ANK1: variants seen among roughly 807,000 people sequenced by gnomAD.
The protein encoded by ANK1 is ankyrin-1.
ANK1 carries 51 observed loss-of-function variants against 210.4 expected under a neutral mutation model. The ratio of observed to expected loss-of-function variants is 0.24; its 90% CI spans 0.19 to 0.31. ANK1 has a LOEUF of 0.31. Among genes scored for constraint, ANK1 ranks in the 10% least tolerant of loss-of-function variants. The pLI, the probability that ANK1 is intolerant of heterozygous loss-of-function variation, is 1.00. For missense variants in ANK1, 2,051 were observed against 2,504.4 expected (o/e 0.82, Z 3.86); for synonymous variants, 967 against 1,025.9 (o/e 0.94, Z 1.10).
At position 41,704,403 on chromosome 8, in the gene ANK1, G is replaced by A; in HGVS notation, c.2167C>T (p.His723Tyr). The change falls in exon 19 of 43, where the codon CAC (histidine) becomes TAC (tyrosine). Residue 723 changes from histidine (H) to tyrosine (Y), a missense_variant. His to Tyr is a moderately conservative substitution (Grantham distance 83). Around this residue, in one of 6 missense-constraint regions of ANK1, gnomAD observed 1,413 missense variants for 1,707.4 expected, o/e 0.83. Coordinates refer to ENST00000289734, the MANE Select transcript of ANK1 (RefSeq NM_000037.4). The surrounding 1 kb of genome is among the most constrained non-coding windows in gnomAD (Gnocchi z 4.1). ...NIKLVKFLLQHQADVNAKTKL... is the reference protein window; with the variant it reads ...NIKLVKFLLQYQADVNAKTKL... ...GTCTTGGCATTGACATCTGCCTGGT[G>A]CTGCAGCAGAAACTTCACCAGCTTG... is the stretch of plus-strand genomic sequence containing the variant. 6.2e-7 allele frequency: 1 copy of A among 1,614,188 alleles called. No individual in the cohort carries two copies. The highest frequency in any genetic ancestry group is 1.3e-5 in the African/African-American group (1 of 75,044).
At chr8:41,732,633 G>A (rs1244007997) in intron 3 of ANK1, among the ~76,000 whole-genome samples, 2 of 151,552 alleles carry the variant, frequency 1.3e-5, no homozygotes, top group South Asian at 2.1e-4. Flanking sequence ...GGCTGGTTTC[G>A]AACTCCTAAC....
chr8:41,712,992 G>A (rs200052650), intron 16 of ANK1, among the ~76,000 whole-genome samples: 2 of 152,140 alleles, frequency 1.3e-5, no homozygotes, highest in South Asian at 2.1e-4. Flanking sequence ...GACAGCTGTC[G>A]GGAGCCGGCG....
chr8:41,741,386 G>A (rs1023007386), intron 2 of ANK1, among the ~76,000 whole-genome samples: 2 of 152,106 alleles, frequency 1.3e-5, no homozygotes, highest in African/African-American at 4.8e-5. Flanking sequence ...AGAAAAGCCT[G>A]TTCCAGACAC....
upstream of ANK1, among the ~76,000 whole-genome samples, chr8:41,800,901 G>T (rs1357151326): frequency 1.3e-5 from 2 of 152,038 alleles, no homozygotes; most frequent in Non-Finnish European, 2.9e-5. Flanking sequence ...TTTTAGTAGA[G>T]ACGGGGTTTC....
At chr8:41,686,090 G>A (rs1218732438) in intron 36 of ANK1, 62 bp downstream of exon 36, 1 of 1,612,934 alleles carries the variant, frequency 6.2e-7, no homozygotes, top group African/African-American at 1.3e-5. Context: ...GAATTTGAAG[G>A]AAGAACTAGT....
intron 10 of ANK1, 104 bp from the exon 11 acceptor site, chr8:41,718,308 G>C: frequency 2.0e-6 from 2 of 1,018,740 alleles, no homozygotes; most frequent in Non-Finnish European, 3.0e-6. Flanking sequence ...TGCTGCCCAG[G>C]CCACCAGCAG....
intron 40 of ANK1, among the ~76,000 whole-genome samples, chr8:41,662,353 C>T (rs1808674988): frequency 1.3e-5 from 2 of 152,110 alleles, no homozygotes; most frequent in South Asian, 4.1e-4. Flanking sequence ...TAGCTTTTGT[C>T]CTAGGAGCCC....
rs1481910230 is a variant in ANK1, at chr8:41,786,204, G to A, written c.27+11308C>T. ...ACCACAGACTCTGAAAGAAGAGGAG[G>A]AGCTCGCGTCTTGCCAGGGGCTAGG... On this transcript the variant is annotated intron_variant, in intron 1 of 42. Coordinates refer to ENST00000289734, the MANE Select transcript of ANK1 (RefSeq NM_000037.4). 2.6e-5 allele frequency among the ~76,000 whole-genome samples: 4 copies of A among 152,176 alleles called. No homozygotes were observed. In the East Asian group the frequency reaches 7.7e-4, roughly 29 times the overall value.
At chr8:41,882,116 T>G (rs1456096729) in intron 1 of ANK1, among the ~76,000 whole-genome samples, 1 of 152,148 alleles carries the variant, frequency 6.6e-6, no homozygotes, top group Non-Finnish European at 1.5e-5. Flanking sequence ...TGAAATGCAC[T>G]TAATCTTCCT....
rs1018417841 is a variant in ANK1, at chr8:41,704,895, C to A, written c.2098-423G>T. Among the ~76,000 whole-genome samples, 6 of 152,108 alleles carry A rather than the reference C, an allele frequency of 3.9e-5. No homozygotes were observed. The East Asian group carries it at 1.2e-3, about 29-fold the overall frequency. On this transcript the variant is annotated intron_variant, in intron 18 of 42. Transcript: ENST00000289734. This position sits in a 1 kb window ranked among gnomAD's most constrained non-coding sequence, Gnocchi z 4.1. ...AGCTATTTCAAGAAGGAAGAAACAG[C>A]CTTCAGGCCTGGGAAGGGTGCTGAG... is the stretch of plus-strand genomic sequence containing the variant.
intron 1 of ANK1, among the ~76,000 whole-genome samples, chr8:41,884,570 C>A (rs79097321): frequency 6.6e-6 from 1 of 151,496 alleles, no homozygotes. Flanking sequence ...CACCGCGGCT[C>A]GCATCTGTAA....
intron 1 of ANK1, among the ~76,000 whole-genome samples, chr8:41,847,398 A>G (rs1810265035): frequency 1.3e-5 from 2 of 152,232 alleles, no homozygotes; most frequent in Admixed American, 1.3e-4. Flanking sequence ...AGAATCAGTC[A>G]CATGATTGCT....
chr8:41,893,818 GT>G (rs1819919235), intron 1 of ANK1, among the ~76,000 whole-genome samples: 1 of 152,212 alleles, frequency 6.6e-6, no homozygotes, highest in South Asian at 2.1e-4. Flanking sequence ...GTGAGCAGCT[GT>G]AAAGTCCTCA....
At chr8:41,867,789 G>C (rs1814757622) in intron 1 of ANK1, among the ~76,000 whole-genome samples, 1 of 152,184 alleles carries the variant, frequency 6.6e-6, no homozygotes, top group Non-Finnish European at 1.5e-5. Flanking sequence ...CCAATACCTA[G>C]CACAGCACAA....
At chr8:41,873,189 A>G (rs1399594716) in intron 1 of ANK1, among the ~76,000 whole-genome samples, 1 of 152,226 alleles carries the variant, frequency 6.6e-6, no homozygotes, top group Non-Finnish European at 1.5e-5. Context: ...GAAACTACAT[A>G]AAGTGACTAC....
At chr8:41,682,789 G>A (rs960032534) in intron 37 of ANK1, among the ~76,000 whole-genome samples, 4 of 152,170 alleles carry the variant, frequency 2.6e-5, no homozygotes, top group Non-Finnish European at 4.4e-5. Context: ...AATCAAAAGC[G>A]TGCCCCTCTG....
At position 41,688,555 on chromosome 8, in the gene ANK1, G is replaced by A. The variant is rs755216562; in HGVS notation, c.4139C>T (p.Thr1380Met). ...SGAEDRRRTP[T>M]PLALRYSILS... ...AATGCTGTATCGCAGGGCCAGGGGC[G>A]TCGGGGTCCTTCTCCTATCTTCGGC... is the stretch of plus-strand genomic sequence containing the variant. Residue 1380 changes from threonine to methionine, a missense_variant, in exon 34 of 43, where the codon ACG (threonine) becomes ATG (methionine). Coordinates refer to ENST00000289734, the MANE Select transcript of ANK1 (RefSeq NM_000037.4). The A allele has an allele frequency of 2.7e-5, 43 of 1,614,036 alleles. 1 individual carries two copies. The South Asian group carries it at 3.1e-4, about 12-fold the overall frequency.
chr8:41,850,818 G>A (rs1001617158), intron 1 of ANK1, among the ~76,000 whole-genome samples: 4 of 152,188 alleles, frequency 2.6e-5, no homozygotes, highest in African/African-American at 4.8e-5. Context: ...ACAAATGAAT[G>A]AGAAGCTTAG....
chr8:41,669,871 G>A (rs374415099), intron 38 of ANK1, among the ~76,000 whole-genome samples: 1 of 152,102 alleles, frequency 6.6e-6, no homozygotes, highest in Admixed American at 6.5e-5. Flanking sequence ...TCCCTCCCTA[G>A]CTTCATGGGC....
Sources: gnomAD v4.1 joint callset for allele counts (sites outside exome capture counted in the v4.1 genomes callset) on GRCh38, gnomAD v4.1.1 for gene constraint, gnomAD v4.1.1 regional missense constraint, Gnocchi (gnomAD v3.1) non-coding constraint, MANE v1.5 for transcripts, NCBI Gene and HGNC (gene_info 2026-07-23, HGNC 2026-07-21) for gene names.